Variants in CNGB3 observed in about 807,000 individuals in gnomAD.
The protein encoded by CNGB3 is cyclic nucleotide gated channel subunit beta 3, also known as cyclic nucleotide-gated channel beta-3.
A neutral mutation model predicts 92.8 loss-of-function variants in CNGB3; 86 were observed. That is an observed-to-expected ratio of 0.93 (90% CI 0.78 to 1.11). CNGB3 has a LOEUF of 1.11. CNGB3 is among the 50% of genes least tolerant of loss of function. The pLI, the probability that CNGB3 is intolerant of heterozygous loss-of-function variation, is 0.00. For missense variants in CNGB3, 1,026 were observed against 956.8 expected (o/e 1.07, Z -0.95); for synonymous variants, 333 against 332.7 (o/e 1.00, Z -0.01).
intron 3 of CNGB3, among the ~76,000 whole-genome samples, chr8:86,724,773 T>C (rs1355132943): frequency 6.6e-6 from 1 of 151,896 alleles, no homozygotes; most frequent in Non-Finnish European, 1.5e-5. Flanking sequence ...AATTAGGTGA[T>C]AAGGGGAGGA....
intron 8 of CNGB3, 106 bp downstream of exon 8, chr8:86,647,695 A>G: frequency 2.8e-6 from 2 of 717,520 alleles, no homozygotes; most frequent in African/African-American, 1.8e-5. Context: ...AAAATTAAGA[A>G]TATTGATCAT....
intron 3 of CNGB3, among the ~76,000 whole-genome samples, chr8:86,678,904 C>T (rs1157327108): frequency 6.6e-6 from 1 of 152,140 alleles, no homozygotes; most frequent in Non-Finnish European, 1.5e-5. Flanking sequence ...AACATATCAG[C>T]ATAAACATAG....
chr8:86,580,040 G>A (rs941441144), intron 15 of CNGB3, among the ~76,000 whole-genome samples: 10 of 152,214 alleles, frequency 6.6e-5, no homozygotes, highest in African/African-American at 2.2e-4. Flanking sequence ...CATCACTGGC[G>A]AGGGCTCAGG....
chr8:86,688,874 T>C (rs1356357671), intron 3 of CNGB3, among the ~76,000 whole-genome samples: 2 of 152,008 alleles, frequency 1.3e-5, no homozygotes, highest in East Asian at 3.8e-4. Flanking sequence ...TCTCTTGTTC[T>C]TTAATATAGT....
intron 6 of CNGB3, 46 bp downstream of exon 6, chr8:86,666,879 G>T (rs772834889): frequency 6.9e-7 from 1 of 1,442,318 alleles, no homozygotes; most frequent in East Asian, 2.3e-5. Flanking sequence ...AGCCCAATTA[G>T]ATGTTATTCA....
intron 15 of CNGB3, among the ~76,000 whole-genome samples, chr8:86,583,872 T>G (rs190592197): frequency 7.7e-6 from 1 of 130,266 alleles, no homozygotes; most frequent in South Asian, 2.3e-4. Context: ...GCAAGAGCCA[T>G]GGTCACACCA....
chr8:86,658,578 G>A (rs974569505), intron 6 of CNGB3: 3 of 346,282 alleles, frequency 8.7e-6, no homozygotes, highest in Admixed American at 7.8e-5. Flanking sequence ...CTGCTGATAG[G>A]TGGCCACATA....
At chr8:86,718,138 C>A (rs1241748145) in intron 3 of CNGB3, among the ~76,000 whole-genome samples, 1 of 151,918 alleles carries the variant, frequency 6.6e-6, no homozygotes, top group African/African-American at 2.4e-5. Flanking sequence ...ACCCCAAACC[C>A]AGCAGAAGAA....
In CNGB3 at chr8:86,594,257, G is replaced by A. The variant is rs554268184; in HGVS notation, c.1781+9836C>T. 1.5e-4 allele frequency: 40 copies of A among 259,464 alleles called. No individual in the cohort carries two copies. The East Asian group carries it at 5.0e-3, about 32-fold the overall frequency. The allele number at this position is 259,464 out of a possible 1,614,324, so 16.1% of individuals were successfully genotyped here. ...CAAGCTGGAACCAGTCCTTGCCTGG[G>A]TGAGCTTTCGGATGCCCTCCGCCAT... On this transcript the variant is annotated intron_variant, in intron 15 of 17. Coordinates refer to ENST00000320005, the MANE Select transcript of CNGB3 (RefSeq NM_019098.5).
At chr8:86,602,881 T>G (rs998367799) in intron 15 of CNGB3, among the ~76,000 whole-genome samples, 3 of 152,214 alleles carry the variant, frequency 2.0e-5, no homozygotes, top group Admixed American at 6.5e-5. Context: ...AAGACATAAA[T>G]TCCTATCATG....
intron 6 of CNGB3, chr8:86,658,755 A>G (rs1284775669): frequency 8.0e-6 from 4 of 502,434 alleles, no homozygotes; most frequent in Non-Finnish European, 1.5e-5. Context: ...CTCATTGTTC[A>G]GCTTCATGAA....
intron 14 of CNGB3, among the ~76,000 whole-genome samples, chr8:86,604,815 G>A (rs1275662645): frequency 6.6e-6 from 1 of 152,122 alleles, no homozygotes. Flanking sequence ...TTAAACTCCT[G>A]GAATGTTCAC....
At chr8:86,695,072 A>T (rs1235996667) in intron 3 of CNGB3, among the ~76,000 whole-genome samples, 1 of 152,232 alleles carries the variant, frequency 6.6e-6, no homozygotes, top group Non-Finnish European at 1.5e-5. Flanking sequence ...AGGCTGGCGG[A>T]TCACTCGCGG....
chr8:86,724,052 G>A (rs1825017594), intron 3 of CNGB3, among the ~76,000 whole-genome samples: 1 of 152,130 alleles, frequency 6.6e-6, no homozygotes. Flanking sequence ...GGAGGAGGCT[G>A]AGGGTCAAAA....
rs1825066235 is a variant in CNGB3, at chr8:86,726,668, A to G, written c.212-11T>C. 2 of 1,613,506 alleles carry G rather than the reference A, an allele frequency of 1.2e-6. No individual in the cohort carries two copies. Among genetic ancestry groups the G allele is most frequent in the Non-Finnish European group, 8.5e-7 (1 of 1,179,526 alleles). ...TCTTGGAGAGTTTGTCTATGAAAAA[A>G]AAATTCACATAGATAGAAGAATGTA... On this transcript the variant is annotated splice_polypyrimidine_tract_variant and intron_variant, in intron 2 of 17. Coordinates refer to ENST00000320005, the MANE Select transcript of CNGB3 (RefSeq NM_019098.5).
Position 86,722,530 on chromosome 8 carries a change from G to A in CNGB3, c.338+4001C>T, listed in dbSNP as rs540911609. On this transcript the variant is annotated intron_variant, in intron 3 of 17. Coordinates refer to ENST00000320005, the MANE Select transcript of CNGB3 (RefSeq NM_019098.5). ...ATTAATGTTATGTGTCAACTTGACT[G>A]AGCCATAACGTGCCCAGATATTTGG... is the stretch of plus-strand genomic sequence containing the variant. Among the ~76,000 whole-genome samples, 3 of 152,288 alleles carry A rather than the reference G, an allele frequency of 2.0e-5. No homozygotes were observed. The South Asian group carries it at 6.2e-4, about 32-fold the overall frequency.
intron 6 of CNGB3, chr8:86,661,182 T>G (rs897288306): frequency 1.6e-5 from 4 of 254,658 alleles, no homozygotes; most frequent in African/African-American, 4.6e-5. Context: ...CAACAGTTTC[T>G]TAAAAGACAT....
chr8:86,644,538 G>A (rs1823256441), intron 9 of CNGB3, 84 bp downstream of exon 9: 1 of 1,533,174 alleles, frequency 6.5e-7, no homozygotes, highest in Non-Finnish European at 8.8e-7. Flanking sequence ...TTGAAGAGGG[G>A]GGTCATATCC....
intron 15 of CNGB3, among the ~76,000 whole-genome samples, chr8:86,585,029 C>T (rs11988165): frequency 0.027 from 4,126 of 152,116 alleles, 166 homozygotes; most frequent in African/African-American, 0.087. Context: ...GAAACAAGGC[C>T]ATATTTAGTA....
Sources: allele counts gnomAD v4.1 joint callset (sites outside exome capture counted in the v4.1 genomes callset), GRCh38; gene constraint gnomAD v4.1.1; transcripts MANE v1.5; gene names NCBI Gene and HGNC (gene_info 2026-07-23, HGNC 2026-07-21).